The following LDB2 variants were observed in gnomAD, a reference collection of about 807,000 sequenced individuals.
The protein encoded by LDB2 is LIM domain-binding protein 2.
A neutral mutation model predicts 44.3 loss-of-function variants in LDB2; 12 were observed. The observed-to-expected ratio is 0.27, with a 90% confidence interval of 0.17 to 0.44. LDB2 has a LOEUF of 0.44. LDB2 is among the 20% of genes least tolerant of loss of function. The pLI is 1.00. For missense variants in LDB2, 344 were observed against 473.5 expected, an observed-to-expected ratio of 0.73 and a Z score of 2.54; for synonymous variants, 164 against 174.8, an observed-to-expected ratio of 0.94 and a Z score of 0.49.
At chr4:16,818,204 G>A (rs745613384) in intron 1 of LDB2, among the ~76,000 whole-genome samples, 2 of 152,100 alleles carry the variant, frequency 1.3e-5, no homozygotes, top group African/African-American at 2.4e-5. Context: ...TCCCCACATG[G>A]TTCCTTAGCA....
chr4:16,855,031 T>C (rs1789069556), intron 1 of LDB2, among the ~76,000 whole-genome samples: 1 of 151,994 alleles, frequency 6.6e-6, no homozygotes, highest in African/African-American at 2.4e-5. Context: ...GGGCAAAAAA[T>C]ATGGACAGCC....
intron 1 of LDB2, among the ~76,000 whole-genome samples, chr4:16,775,668 G>T (rs186358278): frequency 6.6e-6 from 1 of 152,044 alleles, no homozygotes; most frequent in African/African-American, 2.4e-5. Flanking sequence ...GACAAAGCAC[G>T]GACACTCACA....
At chr4:16,853,999 T>C (rs1788818081) in intron 1 of LDB2, among the ~76,000 whole-genome samples, 1 of 151,906 alleles carries the variant, frequency 6.6e-6, no homozygotes. Flanking sequence ...GGGGAGGAAA[T>C]GGGAAGAGGT....
chr4:16,642,971 C>CA (rs921310114), intron 2 of LDB2, among the ~76,000 whole-genome samples: 1 of 152,082 alleles, frequency 6.6e-6, no homozygotes, highest in Non-Finnish European at 1.5e-5. Context: ...TATGTTCTTC[C>CA]ACCTGAATAG....
At chr4:16,569,881 CCCA>C (rs1244791420) in intron 5 of LDB2, among the ~76,000 whole-genome samples, 1 of 151,944 alleles carries the variant, frequency 6.6e-6, no homozygotes, top group Non-Finnish European at 1.5e-5. Flanking sequence ...TTAATGACAC[CCCA>C]CACCTACCCT....
intron 2 of LDB2, among the ~76,000 whole-genome samples, chr4:16,623,154 T>C (rs1367566742): frequency 6.6e-6 from 1 of 152,060 alleles, no homozygotes; most frequent in African/African-American, 2.4e-5. Flanking sequence ...AAAAAGTAAA[T>C]GATGACTGCT....
At position 16,672,378 on chromosome 4, in the gene LDB2, G is replaced by GA. The variant is rs1267645054; in HGVS notation, c.236-76504dup. 2.0e-5 allele frequency among the ~76,000 whole-genome samples: 3 copies of GA among 152,246 alleles called. No homozygotes were observed. In the East Asian group the frequency reaches 5.8e-4, roughly 29 times the overall value. Reference sequence around the variant, plus strand: ...TAGGTTGCAGGAAGGGAACAGATGGGAAAAAAGCTGGAGAGGAGCTGCTGA... The same window carrying GA: ...TAGGTTGCAGGAAGGGAACAGATGGGAAAAAAAGCTGGAGAGGAGCTGCTGA... On this transcript the variant is annotated intron_variant, in intron 2 of 7. Transcript: ENST00000304523.
intron 1 of LDB2, among the ~76,000 whole-genome samples, chr4:16,873,596 A>G (rs976305517): frequency 9.9e-5 from 15 of 152,200 alleles, no homozygotes; most frequent in African/African-American, 3.6e-4. Context: ...TCCAATTCCT[A>G]AAGAGTTTTC....
chr4:16,783,886 AT>A (rs1773845344), intron 1 of LDB2, among the ~76,000 whole-genome samples: 1 of 152,090 alleles, frequency 6.6e-6, no homozygotes, highest in Non-Finnish European at 1.5e-5. Flanking sequence ...GCAATGTATA[AT>A]TGCTTGCTTT....
chr4:16,743,316 ATAT>A (rs1468094799), intron 2 of LDB2, among the ~76,000 whole-genome samples: 1 of 152,074 alleles, frequency 6.6e-6, no homozygotes, highest in African/African-American at 2.4e-5. Context: ...AGGATGTCTC[ATAT>A]TATAATATAA....
intron 5 of LDB2, among the ~76,000 whole-genome samples, chr4:16,554,744 G>T (rs1738901804): frequency 6.6e-6 from 1 of 152,230 alleles, no homozygotes; most frequent in Non-Finnish European, 1.5e-5. Context: ...AAAAAGATCA[G>T]TGGTGGCCAG....
chr4:16,512,152 A>C (rs1310691284), intron 5 of LDB2, 48 bp from the exon 6 acceptor site: 2 of 1,484,398 alleles, frequency 1.3e-6, no homozygotes, highest in Middle Eastern at 2.0e-4. Context: ...CATAACACTA[A>C]TTACAATAAA....
At chr4:16,794,194 C>T (rs1561252597) in intron 1 of LDB2, among the ~76,000 whole-genome samples, 1 of 152,094 alleles carries the variant, frequency 6.6e-6, no homozygotes, top group Admixed American at 6.6e-5. Context: ...GGGGCTGACA[C>T]CCTGGGGCAG....
chr4:16,582,000 G>GGGAAGGAAGGGAAGGGAAGGAA (rs1553912526), intron 5 of LDB2, among the ~76,000 whole-genome samples: 23 of 103,900 alleles, frequency 2.2e-4, no homozygotes, highest in African/African-American at 7.9e-4. Context: ...AGGGAAGGAA[G>GGGAAGGAAGGGAAGGGAAGGAA]GGAAGGAAGG....
chr4:16,703,919 A>G (rs1296281884), intron 2 of LDB2, among the ~76,000 whole-genome samples: 2 of 152,232 alleles, frequency 1.3e-5, no homozygotes, highest in Admixed American at 6.5e-5. Context: ...GCATTTACTT[A>G]GCAACCATTT....
chr4:16,730,230 T>C (rs996945093), intron 2 of LDB2, among the ~76,000 whole-genome samples: 3 of 152,210 alleles, frequency 2.0e-5, no homozygotes, highest in African/African-American at 7.2e-5. Context: ...ATCCCTTTTG[T>C]AGTTCTGTTC....
intron 1 of LDB2, among the ~76,000 whole-genome samples, chr4:16,805,066 G>A (rs1778522013): frequency 1.3e-5 from 2 of 151,636 alleles, no homozygotes; most frequent in Admixed American, 1.3e-4. Context: ...AAGAGAGAGA[G>A]AGGAAGAGAA....
At chr4:16,702,872 C>T (rs1753778828) in intron 2 of LDB2, among the ~76,000 whole-genome samples, 1 of 152,200 alleles carries the variant, frequency 6.6e-6, no homozygotes, top group Non-Finnish European at 1.5e-5. Context: ...TATTGAATTG[C>T]TTATAGCCCT....
At chr4:16,563,728 G>A (rs866531914) in intron 5 of LDB2, among the ~76,000 whole-genome samples, 18 of 151,800 alleles carry the variant, frequency 1.2e-4, no homozygotes, top group Middle Eastern at 3.2e-3. Context: ...AATGTGCTGG[G>A]ATTACAGGCA....
Sources: gnomAD v4.1 joint callset for allele counts (sites outside exome capture counted in the v4.1 genomes callset) on GRCh38, gnomAD v4.1.1 for gene constraint, MANE v1.5 for transcripts, NCBI Gene and HGNC (gene_info 2026-07-23, HGNC 2026-07-21) for gene names.